Variants in TMED8 observed in about 807,000 individuals in gnomAD.
The protein encoded by TMED8 is transmembrane p24 trafficking protein family member 8, also known as protein TMED8.
Under a neutral mutation model 32.7 loss-of-function variants are expected in TMED8, and 15 were observed. The ratio of observed to expected loss-of-function variants is 0.46; its 90% confidence interval spans 0.31 to 0.71. The LOEUF is 0.71. TMED8 is among the 30% of genes least tolerant of loss of function. TMED8 has a pLI of 0.06. For missense variants in TMED8, 390 were observed against 423.9 expected (o/e 0.92, Z 0.70); for synonymous variants, 147 against 161.4 (o/e 0.91, Z 0.68).
intron 1 of TMED8, among the ~76,000 whole-genome samples, chr14:77,358,418 C>T (rs568463661): frequency 6.6e-6 from 1 of 152,088 alleles, no homozygotes; most frequent in South Asian, 2.1e-4. Context: ...TCTGCCTTAG[C>T]CTCCTGAGTA....
At chr14:77,368,509 A>G (rs369324313) in intron 1 of TMED8, among the ~76,000 whole-genome samples, 1 of 151,802 alleles carries the variant, frequency 6.6e-6, no homozygotes, top group Non-Finnish European at 1.5e-5. Flanking sequence ...ACGGAGTCTC[A>G]CTCTGTCACC....
At chr14:77,355,661 A>G (rs901502784) in intron 1 of TMED8, among the ~76,000 whole-genome samples, 1 of 152,218 alleles carries the variant, frequency 6.6e-6, no homozygotes, top group African/African-American at 2.4e-5. Flanking sequence ...GATGCTGTCT[A>G]TAACAATTAC....
chr14:77,369,999 C>T (rs1893640621), intron 1 of TMED8, among the ~76,000 whole-genome samples: 1 of 152,086 alleles, frequency 6.6e-6, no homozygotes, highest in Non-Finnish European at 1.5e-5. Flanking sequence ...TGGTGAAACC[C>T]CATCTCTACT....
intron 1 of TMED8, among the ~76,000 whole-genome samples, chr14:77,353,964 C>T (rs1345089910): frequency 2.0e-5 from 3 of 152,184 alleles, no homozygotes; most frequent in Non-Finnish European, 4.4e-5. Context: ...ATAAATTCTA[C>T]TCTTTGACCA....
intron 3 of TMED8, among the ~76,000 whole-genome samples, 151 bp downstream of exon 3, chr14:77,346,195 CAAA>C (rs1893027391): frequency 6.6e-6 from 1 of 152,104 alleles, no homozygotes; most frequent in Non-Finnish European, 1.5e-5. Context: ...AATCATTCTC[CAAA>C]AAATAATGAA....
intron 1 of TMED8, among the ~76,000 whole-genome samples, chr14:77,366,089 C>G (rs1290923445): frequency 6.6e-6 from 1 of 152,174 alleles, no homozygotes; most frequent in African/African-American, 2.4e-5. Context: ...GTTTAATGGT[C>G]TCCAAATTCT....
chr14:77,356,629 A>G (rs1475122106), intron 1 of TMED8, among the ~76,000 whole-genome samples: 1 of 152,244 alleles, frequency 6.6e-6, no homozygotes, highest in Non-Finnish European at 1.5e-5. Flanking sequence ...CAACACAGGT[A>G]CAACAACATT....
In TMED8 at chr14:77,349,182, A is replaced by C. The variant is rs539737317; in HGVS notation, c.197+2491T>G. On this transcript the variant is annotated intron_variant, in intron 2 of 5. Coordinates refer to ENST00000216468, the MANE Select transcript of TMED8 (RefSeq NM_213601.3). ...CTGGGGTGTAGTGGCATGATCTCGGATCTCGGCTCACTGCAACTCTGCCTC... is the reference window on the plus strand; with the variant it reads ...CTGGGGTGTAGTGGCATGATCTCGGCTCTCGGCTCACTGCAACTCTGCCTC... 8.9e-5 allele frequency among the ~76,000 whole-genome samples: 12 copies of C among 134,602 alleles called. No homozygotes were observed. In the East Asian group the frequency reaches 2.7e-3, roughly 30 times the overall value. The allele number at this position is 134,602 out of a possible 152,430, so 88.3% of individuals were successfully genotyped here.
rs202015465 is a variant in TMED8, at chr14:77,351,763, T to C, written c.119-12A>G. 2.2e-5 allele frequency: 36 copies of C among 1,601,548 alleles called. No homozygotes were observed. The highest frequency in any genetic ancestry group is 2.1e-4 in the Admixed American group (12 of 58,398). On this transcript the variant is annotated splice_polypyrimidine_tract_variant and intron_variant, in intron 1 of 5. Coordinates refer to ENST00000216468, the MANE Select transcript of TMED8 (RefSeq NM_213601.3). ...TAGATCTTCATTCTCTAGAAAACCATAGAAAGAAAGAATTCAATATCTGAG... is the reference window on the plus strand; with the variant it reads ...TAGATCTTCATTCTCTAGAAAACCACAGAAAGAAAGAATTCAATATCTGAG...
At position 77,337,069 on chromosome 14, in the gene TMED8, T is replaced by G. The variant is rs1892777731; in HGVS notation, c.*4702A>C. 1 of 152,232 alleles carries G rather than the reference T, an allele frequency of 6.6e-6. No individual in the cohort carries two copies. Among genetic ancestry groups the G allele is most frequent in the South Asian group, 2.1e-4 (1 of 4,834 alleles). 9.4% of individuals were successfully genotyped at this position (152,232 alleles called of 1,614,324 possible). ...ATACACTTTTTTAAAAGTCTGAGTT[T>G]TTCTTCCCAAAATAACAAAAATATT... On this transcript the variant is annotated 3_prime_UTR_variant, in exon 6 of 6. Transcript: ENST00000216468.
intron 1 of TMED8, among the ~76,000 whole-genome samples, chr14:77,352,074 A>T (rs1170495744): frequency 6.6e-6 from 1 of 151,958 alleles, no homozygotes; most frequent in African/African-American, 2.4e-5. Flanking sequence ...CCAAGGCAGG[A>T]GGATTGCTTG....
intron 2 of TMED8, among the ~76,000 whole-genome samples, chr14:77,350,186 G>C (rs1030827449): frequency 6.6e-6 from 1 of 151,982 alleles, no homozygotes; most frequent in Non-Finnish European, 1.5e-5. Context: ...CATATGGGGG[G>C]TCTATTAGAT....
intron 1 of TMED8, among the ~76,000 whole-genome samples, chr14:77,374,940 A>C (rs1893778267): frequency 6.6e-6 from 1 of 152,252 alleles, no homozygotes; most frequent in Non-Finnish European, 1.5e-5. Flanking sequence ...ACAAACAATT[A>C]TAGACTTCAT....
Position 77,373,601 on chromosome 14 carries a change from A to C in TMED8, c.118+3335T>G, listed in dbSNP as rs541282349. Among the ~76,000 whole-genome samples the C allele has an allele frequency of 9.8e-5, 15 of 152,298 alleles. No homozygotes were observed. In the South Asian group the frequency reaches 1.9e-3, roughly 19 times the overall value. ...TTCTCTGCAGAGAACACTTTTAAAA[A>C]ACAAGTTATGGTTATTCTGGATAAT... is the stretch of plus-strand genomic sequence containing the variant. On this transcript the variant is annotated intron_variant, in intron 1 of 5. Coordinates refer to ENST00000216468, the MANE Select transcript of TMED8 (RefSeq NM_213601.3).
In TMED8 at chr14:77,376,952, G is replaced by GC; in HGVS notation, c.101dup (p.Ser34ArgfsTer9). 1 of 1,457,322 alleles carries GC rather than the reference G, an allele frequency of 6.9e-7. No individual in the cohort carries two copies. The highest frequency in any genetic ancestry group is 1.3e-5 in the South Asian group (1 of 74,986). 90.3% of individuals were successfully genotyped at this position (1,457,322 alleles called of 1,614,324 possible). A position where few individuals can be genotyped will look rare whatever the true frequency, so the allele number is the denominator to read the frequency against. The stretch of plus-strand genomic sequence containing the variant: ...CTTGCGTACCTGAGGCGGCCGCCTG[G>GC]CTCCCCTCCACTCCCTGGCAGTCCC... On this transcript the variant is annotated frameshift_variant, in exon 1 of 6. Transcript: ENST00000216468. LOFTEE classifies it high-confidence loss of function. This position sits in a 1 kb window ranked among gnomAD's most constrained non-coding sequence, Gnocchi z 4.0.
In TMED8 at chr14:77,341,658, G is replaced by A. The variant is rs1892901706; in HGVS notation, c.*113C>T. On this transcript the variant is annotated 3_prime_UTR_variant, in exon 6 of 6. Transcript: ENST00000216468. ...CAGTCAGGCATGCCAGACAGGGTGT[G>A]AGGCTCAGCAGCCCCCCATGAACCT... 1.9e-6 allele frequency: 2 copies of A among 1,039,398 alleles called. No homozygotes were observed. The highest frequency in any genetic ancestry group is 2.1e-5 in the Admixed American group (1 of 47,968). The allele number at this position is 1,039,398 out of a possible 1,614,324, so 64.4% of individuals were successfully genotyped here. A position where few individuals can be genotyped will look rare whatever the true frequency, so the allele number is the denominator to read the frequency against.
intron 1 of TMED8, among the ~76,000 whole-genome samples, chr14:77,372,860 C>T (rs1893702036): frequency 7.7e-6 from 1 of 130,614 alleles, no homozygotes; most frequent in South Asian, 2.6e-4. Context: ...ATGGTAGCCA[C>T]CAAATTTTGA....
chr14:77,349,364 C>T (rs1164886434), intron 2 of TMED8, among the ~76,000 whole-genome samples: 6 of 151,980 alleles, frequency 3.9e-5, no homozygotes, highest in African/African-American at 1.2e-4. Context: ...ATGATCCACC[C>T]GCCTCTGCCT....
chr14:77,357,316 C>G lies in TMED8; in HGVS notation c.119-5565G>C, dbSNP rs547712272. Among the ~76,000 whole-genome samples the G allele has an allele frequency of 4.6e-5, 7 of 152,320 alleles. 1 individual carries two copies. The South Asian group carries it at 1.5e-3, about 32-fold the overall frequency. On this transcript the variant is annotated intron_variant, in intron 1 of 5. Transcript: ENST00000216468. ...ATTAGGTTCATGTTTTCAGCCTAATCCACCATCAAGCTCCTCATTAACCCT... is the reference window on the plus strand; with the variant it reads ...ATTAGGTTCATGTTTTCAGCCTAATGCACCATCAAGCTCCTCATTAACCCT...
Sources: allele counts gnomAD v4.1 joint callset (sites outside exome capture counted in the v4.1 genomes callset), GRCh38; gene constraint gnomAD v4.1.1; non-coding constraint Gnocchi (gnomAD v3.1); transcripts MANE v1.5; gene names NCBI Gene and HGNC (gene_info 2026-07-23, HGNC 2026-07-21).